The following ATG7 variants were observed in gnomAD, a reference collection of about 807,000 sequenced individuals.
ATG7 encodes the protein ubiquitin-like modifier-activating enzyme ATG7.
In ATG7, 70 loss-of-function variants were observed where a neutral mutation model predicts 82.4. The observed-to-expected ratio is 0.85, with a 90% CI of 0.70 to 1.04. ATG7 has a LOEUF of 1.04. Among genes scored for constraint, ATG7 ranks in the 50% least tolerant of loss-of-function variants. ATG7 has a pLI of 0.00. For missense variants in ATG7, 792 were observed against 864.3 expected (o/e 0.92, Z 1.05); for synonymous variants, 287 against 313.0 (o/e 0.92, Z 0.88).
intron 9 of ATG7, among the ~76,000 whole-genome samples, chr3:11,315,788 G>A (rs112481084): frequency 0.046 from 7,031 of 152,162 alleles, 210 homozygotes; most frequent in African/African-American, 0.079. Flanking sequence ...GCGCAGTGGC[G>A]CAATCTTGGC....
chr3:11,354,650 CAAAAAAAAAAAA>C (rs5846706), intron 14 of ATG7, among the ~76,000 whole-genome samples: 5 of 61,930 alleles, frequency 8.1e-5, no homozygotes, highest in Non-Finnish European at 8.6e-5. Flanking sequence ...TCCATCTCAC[CAAAAAAAAAAAA>C]AAAAAAAAAA....
the ATG7 span, among the ~76,000 whole-genome samples, chr3:11,568,070 A>G: frequency 3.3e-5 from 5 of 152,194 alleles, no homozygotes; most frequent in Non-Finnish European, 7.3e-5. The surrounding 1 kb of genome is among the most constrained non-coding windows in gnomAD (Gnocchi z 5.9). Context: ...TGGGCTTACA[A>G]TCTAGCAGGG....
chr3:11,497,357 C>CTATATCTATATGTATATGTA (rs2090912742), intron 20 of ATG7, among the ~76,000 whole-genome samples: 1 of 57,294 alleles, frequency 1.7e-5, no homozygotes, highest in African/African-American at 6.7e-5. Flanking sequence ...ACTAAAAATA[C>CTATATCTATATGTATATGTA]TATATATATA....
rs780151861 is a variant in ATG7, at chr3:11,380,065, G to A, written c.1956+13G>A. 3 of 1,611,022 alleles carry A rather than the reference G, an allele frequency of 1.9e-6. No homozygotes were observed. The highest frequency in any genetic ancestry group is 3.3e-5 in the Admixed American group (2 of 60,004). On this transcript the variant is annotated intron_variant, in intron 19 of 20. Transcript: ENST00000693202. ...TTGTTCTTCCAAAGTAAGTCATTTT[G>A]TATTGGAGGGACTTGTTTTTAAAAG...
chr3:11,379,462 A>G (rs570087180), intron 18 of ATG7, among the ~76,000 whole-genome samples: 3 of 152,142 alleles, frequency 2.0e-5, no homozygotes, highest in Non-Finnish European at 2.9e-5. Flanking sequence ...TTTTATCTCT[A>G]TCTGTTCCAA....
intron 20 of ATG7, among the ~76,000 whole-genome samples, chr3:11,528,527 A>C (rs1002110371): frequency 6.6e-6 from 1 of 152,126 alleles, no homozygotes; most frequent in Non-Finnish European, 1.5e-5. Flanking sequence ...TACAAAATGC[A>C]TATAGAAAGT....
At chr3:11,409,705 A>C (rs1012631453) in intron 19 of ATG7, among the ~76,000 whole-genome samples, 1 of 151,234 alleles carries the variant, frequency 6.6e-6, no homozygotes, top group Non-Finnish European at 1.5e-5. Context: ...TTTGTGTTTT[A>C]TATGTAGGTA....
rs532518588 is a variant in ATG7 at position 11,456,516 on chromosome 3, G to GT, written c.2079+29591dup. 3.4e-3 allele frequency among the ~76,000 whole-genome samples: 517 copies of GT among 152,266 alleles called. 4 individuals are homozygous for GT. Among genetic ancestry groups the GT allele is most frequent in the Middle Eastern group, 6.8e-3 (2 of 294 alleles). On this transcript the variant is annotated intron_variant, in intron 20 of 20. Transcript: ENST00000693202. ...GTATATGCCTAGGAGTGGAATTGCT[G>GT]TATTGTGTCGTAACTTTTTTGTTCT...
intron 20 of ATG7, among the ~76,000 whole-genome samples, chr3:11,503,109 T>TGG (rs1029554392): frequency 2.6e-5 from 4 of 151,606 alleles, no homozygotes; most frequent in Non-Finnish European, 5.9e-5. Context: ...GGCAGGAGAG[T>TGG]GGGCAGTCCT....
At chr3:11,395,967 GTA>G (rs72507378) in intron 19 of ATG7, among the ~76,000 whole-genome samples, 10,154 of 105,934 alleles carry the variant, frequency 0.096, 2,050 homozygotes, top group African/African-American at 0.13. Flanking sequence ...AAAAAAAAAG[GTA>G]GGGGGGGAAG....
At chr3:11,351,748 G>A (rs754437663) in intron 14 of ATG7, among the ~76,000 whole-genome samples, 1 of 152,028 alleles carries the variant, frequency 6.6e-6, no homozygotes, top group Non-Finnish European at 1.5e-5. Flanking sequence ...TCAAAGTACT[G>A]GTGTAATTCA....
chr3:11,572,759 T>TTA, the ATG7 span, among the ~76,000 whole-genome samples: 1 of 152,208 alleles, frequency 6.6e-6, no homozygotes, highest in South Asian at 2.1e-4. Context: ...GAGACCTGGC[T>TTA]TATCCATGTT....
In ATG7 at chr3:11,299,368, C is replaced by T. The variant is rs1176808145; in HGVS notation, c.167C>T (p.Ser56Phe). ...DIKGYYYNGD[S>F]AGLPARLTLE... ...TGATAATGCTTCTGTCCAGGTGACT[C>T]TGCTGGGCTGCCAGCTCGCTTAACA... Residue 56 changes from serine (S) to phenylalanine (F), a missense_variant, in exon 5 of 21, where the codon TCT (serine) becomes TTT (phenylalanine). Physicochemically the swap from Ser to Phe is radical, Grantham distance 155 (BLOSUM62 -2). Coordinates refer to ENST00000693202, the MANE Select transcript of ATG7 (RefSeq NM_001349232.2). 2 of 1,611,672 alleles carry T rather than the reference C, an allele frequency of 1.2e-6. No homozygotes were observed. The highest frequency in any genetic ancestry group is 2.7e-5 in the African/African-American group (2 of 74,872).
chr3:11,362,458 T>G (rs563962227), intron 16 of ATG7, among the ~76,000 whole-genome samples: 1 of 152,358 alleles, frequency 6.6e-6, no homozygotes, highest in East Asian at 1.9e-4. Flanking sequence ...TGTTCCTTTC[T>G]GTGTCTCTGT....
chr3:11,320,633 C>T (rs543167214), intron 9 of ATG7, among the ~76,000 whole-genome samples: 58 of 152,322 alleles, frequency 3.8e-4, no homozygotes, highest in African/African-American at 1.1e-3. Flanking sequence ...ATATATTTTT[C>T]TCCCATTTAA....
chr3:11,571,320 G>C, the ATG7 span, among the ~76,000 whole-genome samples: 2 of 152,066 alleles, frequency 1.3e-5, no homozygotes, highest in African/African-American at 4.8e-5. Context: ...AATGAAACCC[G>C]AGTGCGAATG....
chr3:11,426,917 A>G lies in ATG7; in HGVS notation c.2070A>G (p.Gln690=), dbSNP rs769749743. ...TGLTLLHQET[Q]AAEIWDMSDD... is the part of the protein sequence containing the mutation. ...TTACATTGCTGCATCAAGAAACCCAAGCTGCTGAGGTAAGAACAAAACAAG... is the reference window on the plus strand; with the variant it reads ...TTACATTGCTGCATCAAGAAACCCAGGCTGCTGAGGTAAGAACAAAACAAG... The change falls in exon 20 of 21, where the codon CAA becomes CAG. Residue 690 remains glutamine (Q), a synonymous_variant. Coordinates refer to ENST00000693202, the MANE Select transcript of ATG7 (RefSeq NM_001349232.2). The G allele has an allele frequency of 1.9e-6, 3 of 1,602,644 alleles. No homozygotes were observed. Among genetic ancestry groups the G allele is most frequent in the Non-Finnish European group, 1.7e-6 (2 of 1,175,986 alleles).
intron 1 of ATG7, among the ~76,000 whole-genome samples, chr3:11,273,271 A>G (rs1386036318): frequency 6.6e-6 from 1 of 152,150 alleles, no homozygotes; most frequent in East Asian, 1.9e-4. Context: ...TTCATTGACT[A>G]CTTAGATTTT....
chr3:11,466,352 A>G (rs2086825859), intron 20 of ATG7, among the ~76,000 whole-genome samples: 1 of 152,228 alleles, frequency 6.6e-6, no homozygotes, highest in South Asian at 2.1e-4. Context: ...AAATTCTAGA[A>G]TGCTTAGCTG....
Sources: allele counts gnomAD v4.1 joint callset (sites outside exome capture counted in the v4.1 genomes callset), GRCh38; gene constraint gnomAD v4.1.1; non-coding constraint Gnocchi (gnomAD v3.1); transcripts MANE v1.5; gene names NCBI Gene and HGNC (gene_info 2026-07-23, HGNC 2026-07-21).